PSIP1: variants seen among roughly 807,000 people sequenced by gnomAD.
PSIP1 encodes PC4 and SFRS1-interacting protein.
In PSIP1, 19 loss-of-function variants were observed where a neutral mutation model predicts 74.7. The ratio of observed to expected loss-of-function variants is 0.25; its 90% CI spans 0.18 to 0.37. The LOEUF (loss-of-function observed/expected upper bound fraction) is 0.37, where lower values mean the gene tolerates loss of function less well. PSIP1 is among the 10% of genes least tolerant of loss of function. The pLI, the probability that PSIP1 is intolerant of heterozygous loss-of-function variation, is 1.00. For synonymous variants in PSIP1, 222 were observed against 195.3 expected, an observed-to-expected ratio of 1.14 and a Z score of -1.14; for missense variants, 601 against 614.3, an observed-to-expected ratio of 0.98 and a Z score of 0.23.
At chr9:15,498,993 A>G (rs1401722100) in intron 3 of PSIP1, among the ~76,000 whole-genome samples, 5 of 152,182 alleles carry the variant, frequency 3.3e-5, no homozygotes, top group African/African-American at 4.8e-5. Flanking sequence ...GTTTTTTAAA[A>G]TTTTAACAAG....
rs999796999 is a variant in PSIP1, at chr9:15,499,831, G to A, written c.149+6730C>T. Among the ~76,000 whole-genome samples, 37 of 147,968 alleles carry A rather than the reference G, an allele frequency of 2.5e-4. No homozygotes were observed. In the East Asian group the frequency reaches 7.4e-3, roughly 29 times the overall value. ...AGAGGTTGCAGTGAGCCAAGATCAC[G>A]CCACTGCACTCTAGCCTGGACCACA... On this transcript the variant is annotated intron_variant, in intron 3 of 15. Transcript: ENST00000380733.
intron 6 of PSIP1, among the ~76,000 whole-genome samples, chr9:15,481,861 A>G (rs1164962587): frequency 6.6e-6 from 1 of 152,210 alleles, no homozygotes; most frequent in Non-Finnish European, 1.5e-5. Flanking sequence ...ACCATTCCTC[A>G]TGAAAATAAA....
At chr9:15,476,051 C>T (rs2132068472) in intron 8 of PSIP1, among the ~76,000 whole-genome samples, 1 of 152,220 alleles carries the variant, frequency 6.6e-6, no homozygotes, top group South Asian at 2.1e-4. Flanking sequence ...CTAAGAGATA[C>T]ATGGTGTTCT....
At chr9:15,482,709 T>C (rs372190830) in intron 6 of PSIP1, among the ~76,000 whole-genome samples, 4 of 152,376 alleles carry the variant, frequency 2.6e-5, no homozygotes, top group Admixed American at 1.3e-4. Context: ...TTAAGGCATT[T>C]ACTGTCTTTT....
rs529982565 is a variant in PSIP1 at position 15,481,692 on chromosome 9, C to CA, written c.457-2006dup. 3.8e-3 allele frequency among the ~76,000 whole-genome samples: 582 copies of CA among 151,304 alleles called. 2 individuals carry two copies. The highest frequency in any genetic ancestry group is 6.3e-3 in the Non-Finnish European group (426 of 67,732). On this transcript the variant is annotated intron_variant, in intron 6 of 15. Coordinates refer to ENST00000380733, the MANE Select transcript of PSIP1 (RefSeq NM_033222.5). ...GAGCAAGACTCCGTCTCAAAAAAAA[C>CA]AAAGAATTATAGGTAAAAGAGATGG...
At chr9:15,480,189 T>C (rs1030514587) in intron 6 of PSIP1, among the ~76,000 whole-genome samples, 23 of 152,188 alleles carry the variant, frequency 1.5e-4, no homozygotes, top group Admixed American at 1.4e-3. Context: ...CTGGAGAGAA[T>C]GGCCCCAAAT....
chr9:15,509,166 A>G (rs2037734853), intron 2 of PSIP1, among the ~76,000 whole-genome samples: 1 of 152,246 alleles, frequency 6.6e-6, no homozygotes, highest in Admixed American at 6.5e-5. Flanking sequence ...TAAGAAATAC[A>G]TTTTCAAAGG....
At chr9:15,497,089 C>CA (rs1318252396) in intron 3 of PSIP1, among the ~76,000 whole-genome samples, 2 of 151,814 alleles carry the variant, frequency 1.3e-5, no homozygotes, top group Admixed American at 6.6e-5. Flanking sequence ...CTTATGTTCA[C>CA]AAAAAAACTT....
At chr9:15,470,711 C>T (rs1426551759) in intron 10 of PSIP1, 2 of 942,436 alleles carry the variant, frequency 2.1e-6, no homozygotes, top group East Asian at 8.1e-5. Context: ...ACTGTTTAAT[C>T]TCTCAGGATT....
Position 15,470,886 on chromosome 9 carries a change from C to G in PSIP1, c.978-893G>C, listed in dbSNP as rs673665. The G allele has an allele frequency of 1.5e-5, 16 of 1,085,088 alleles. No individual in the cohort carries two copies. In the African/African-American group the frequency reaches 2.7e-4, roughly 18 times the overall value. 67.2% of individuals were successfully genotyped at this position (1,085,088 alleles called of 1,614,324 possible). A position where few individuals can be genotyped will look rare whatever the true frequency, so the allele number is the denominator to read the frequency against. On this transcript the variant is annotated intron_variant, in intron 10 of 15. Coordinates refer to ENST00000380733, the MANE Select transcript of PSIP1 (RefSeq NM_033222.5). The stretch of plus-strand genomic sequence containing the variant: ...AATAATGTACAACCACCATCTTCGT[C>G]TGAGCTTGTTATTACTTTCAAACAC...
At chr9:15,466,896 CT>C in intron 14 of PSIP1, 37 bp from the exon 15 acceptor site, 1 of 1,507,406 alleles carries the variant, frequency 6.6e-7, no homozygotes, top group Non-Finnish European at 9.2e-7. Flanking sequence ...TTTGTTAAAG[CT>C]TACAAAACAA....
At chr9:15,504,232 T>A (rs962945613) in intron 3 of PSIP1, among the ~76,000 whole-genome samples, 1 of 152,238 alleles carries the variant, frequency 6.6e-6, no homozygotes, top group African/African-American at 2.4e-5. Context: ...TCCTTGAATA[T>A]ATCCTAAATT....
chr9:15,473,702 A>G (rs939095620), intron 9 of PSIP1, among the ~76,000 whole-genome samples: 1 of 152,078 alleles, frequency 6.6e-6, no homozygotes, highest in Admixed American at 6.6e-5. Context: ...GGAGTTCAAG[A>G]CCAGCCTGAC....
intron 11 of PSIP1, 66 bp from the exon 12 acceptor site, chr9:15,469,402 C>G (rs554764757): frequency 7.6e-5 from 75 of 981,190 alleles, no homozygotes; most frequent in South Asian, 3.9e-4. Flanking sequence ...TATATACAGG[C>G]TAAGTATAAT....
chr9:15,476,039 C>T (rs538655668), intron 8 of PSIP1, among the ~76,000 whole-genome samples: 2 of 152,190 alleles, frequency 1.3e-5, no homozygotes, highest in African/African-American at 2.4e-5. Context: ...AAGAAGTAGA[C>T]GCTAAGAGAT....
At position 15,486,389 on chromosome 9, in the gene PSIP1, G is replaced by A. The variant is rs150923245; in HGVS notation, c.394-321C>T. Among the ~76,000 whole-genome samples, 7 of 152,268 alleles carry A rather than the reference G, an allele frequency of 4.6e-5. No homozygotes were observed. The East Asian group carries it at 1.3e-3, about 29-fold the overall frequency. ...TTTGAATTGTGAATTTTAAAGGGTG[G>A]CTGGGACATTGAAGATCATCTAACA... On this transcript the variant is annotated intron_variant, in intron 5 of 15. Transcript: ENST00000380733.
At chr9:15,500,977 TAA>T (rs751359923) in intron 3 of PSIP1, among the ~76,000 whole-genome samples, 51 of 152,226 alleles carry the variant, frequency 3.4e-4, no homozygotes, top group South Asian at 1.7e-3. Flanking sequence ...CAAAATGAAA[TAA>T]AAGTTTGCCA....
At chr9:15,470,083 TTAAAA>T (rs2035763167) in intron 10 of PSIP1, 90 bp from the exon 11 acceptor site, 2 of 1,038,636 alleles carry the variant, frequency 1.9e-6, no homozygotes, top group Admixed American at 1.9e-5. Context: ...AATGTTTTCC[TTAAAA>T]TAAGTCAATA....
In PSIP1 at chr9:15,474,190, T is replaced by G. The variant is rs1431495970; in HGVS notation, c.677A>C (p.Gln226Pro). The change falls in exon 9 of 16, where the codon CAA becomes CCA. Residue 226 changes from glutamine (Q) to proline (P), a missense_variant. Gln to Pro is a moderately conservative substitution (Grantham distance 76). This residue lies in a region of PSIP1 where 538 missense variants were observed against 507.6 expected (regional missense o/e 1.06). Transcript: ENST00000380733. ...KSKKKGQEEK[Q>P]PKKQPKKDEE... ...ATCCTTCTTAGGCTGCTTTTTAGGT[T>G]GTTTTTCCTCTTGCCCCTTTTTCTT... 23 of 1,613,152 alleles carry G rather than the reference T, an allele frequency of 1.4e-5. No individual in the cohort carries two copies. Among genetic ancestry groups the G allele is most frequent in the Non-Finnish European group, 1.8e-5 (21 of 1,179,848 alleles).
Sources: allele counts gnomAD v4.1 joint callset (sites outside exome capture counted in the v4.1 genomes callset), GRCh38; gene constraint gnomAD v4.1.1; regional missense constraint gnomAD v4.1.1; transcripts MANE v1.5; gene names NCBI Gene and HGNC (gene_info 2026-07-23, HGNC 2026-07-21).